The following ZNF786 variants were observed in gnomAD, a reference collection of about 807,000 sequenced individuals.
ZNF786 encodes the protein zinc finger protein 786.
A neutral mutation model predicts 63.1 loss-of-function variants in ZNF786; 56 were observed. The ratio of observed to expected loss-of-function variants is 0.89; its 90% CI spans 0.72 to 1.11. The LOEUF (loss-of-function observed/expected upper bound fraction) is 1.11. Ranked by LOEUF, ZNF786 falls within the 50% of genes least tolerant of loss-of-function variation. The probability of loss-of-function intolerance (pLI) is 0.00; values close to 1 mark genes in which losing one functional copy is unlikely to be tolerated. For synonymous variants in ZNF786, 485 were observed against 406.9 expected, an observed-to-expected ratio of 1.19 and a Z score of -2.31; for missense variants, 1,213 against 1,041.8, an observed-to-expected ratio of 1.16 and a Z score of -2.26.
In ZNF786 at chr7:149,073,747, G is replaced by GTGTA. The variant is rs1447329296; in HGVS notation, c.298+638_298+639insTACA. On this transcript the variant is annotated intron_variant, in intron 3 of 3. Transcript: ENST00000491431. ...TGCGTGTGTGTGTGTGTGTGTGTGT[G>GTGTA]TATATATATATATATATATATATAT... Among the ~76,000 whole-genome samples, 638 of 77,534 alleles carry GTGTA rather than the reference G, an allele frequency of 8.2e-3. 1 individual carries two copies. Among genetic ancestry groups the GTGTA allele is most frequent in the Non-Finnish European group, 0.011 (446 of 39,614 alleles). 50.9% of individuals were successfully genotyped at this position (77,534 alleles called of 152,430 possible).
chr7:149,088,473 A>G (rs979353100), intron 1 of ZNF786, among the ~76,000 whole-genome samples: 4 of 152,230 alleles, frequency 2.6e-5, no homozygotes, highest in African/African-American at 7.2e-5. Flanking sequence ...ACAATTTTGC[A>G]TAGCACTATG....
At position 149,072,446 on chromosome 7, in the gene ZNF786, T is replaced by C. The variant is rs754830611; in HGVS notation, c.326A>G (p.Lys109Arg). ...ATCTAATTGGAAATGGCTTTTAGTT[T>C]TTCCTGAATTCATAGCCTGCTGGCT... The part of the protein sequence containing the change: ...WGSQQAMNSG[K>R]TKSHFQLDPE... Residue 109 changes from lysine to arginine, a missense_variant, in exon 4 of 4, where the codon AAA becomes AGA. Coordinates refer to ENST00000491431, the MANE Select transcript of ZNF786 (RefSeq NM_152411.4). 3.8e-6 allele frequency: 6 copies of C among 1,598,328 alleles called. No individual in the cohort carries two copies. The highest frequency in any genetic ancestry group is 5.1e-6 in the Non-Finnish European group (6 of 1,173,628).
At chr7:149,074,098 CTATA>C (rs1230332829) in intron 3 of ZNF786, among the ~76,000 whole-genome samples, 1 of 151,760 alleles carries the variant, frequency 6.6e-6, no homozygotes, top group African/African-American at 2.4e-5. Flanking sequence ...TGGCCTAACA[CTATA>C]TATATTAACC....
chr7:149,072,196 G>A lies in ZNF786; in HGVS notation c.576C>T (p.Cys192=), dbSNP rs772306476. 1.1e-5 allele frequency: 17 copies of A among 1,613,098 alleles called. No individual in the cohort carries two copies. The highest frequency in any genetic ancestry group is 2.2e-5 in the East Asian group (1 of 44,884). Residue 192 remains cysteine, a synonymous_variant, in exon 4 of 4, where the codon TGC becomes TGT. Transcript: ENST00000491431. ...WESTQHPWPV[C]GESCWENNHL... is the part of the protein sequence containing the mutation. ...GGTTGTTCTCCCAACAGCTTTCCCCGCAGACAGGCCAAGGGTGCTGGGTGC... is the reference window on the plus strand; with the variant it reads ...GGTTGTTCTCCCAACAGCTTTCCCCACAGACAGGCCAAGGGTGCTGGGTGC...
At chr7:149,088,541 G>T (rs1040370235) in intron 1 of ZNF786, among the ~76,000 whole-genome samples, 3 of 152,154 alleles carry the variant, frequency 2.0e-5, no homozygotes, top group African/African-American at 7.2e-5. Context: ...TTATACTTGT[G>T]TTAAAGATAC....
At chr7:149,083,985 T>C (rs1285063532) in intron 1 of ZNF786, among the ~76,000 whole-genome samples, 2 of 152,332 alleles carry the variant, frequency 1.3e-5, no homozygotes, top group East Asian at 3.9e-4. Flanking sequence ...AGTGCTGCAA[T>C]GAACATATGC....
intron 3 of ZNF786, among the ~76,000 whole-genome samples, chr7:149,073,762 T>TAC (rs1825488404): frequency 1.9e-5 from 2 of 102,636 alleles, no homozygotes; most frequent in African/African-American, 6.8e-5. Context: ...TATATATATA[T>TAC]ATATATATAT....
intron 1 of ZNF786, among the ~76,000 whole-genome samples, chr7:149,090,391 C>T (rs1234296354): frequency 1.3e-5 from 2 of 152,316 alleles, no homozygotes; most frequent in South Asian, 2.1e-4. Flanking sequence ...AGGTCGGCCT[C>T]GGTCCACGCT....
At position 149,079,210 on chromosome 7, in the gene ZNF786, C is replaced by A. The variant is rs1825612877; in HGVS notation, c.145+1381G>T. Among the ~76,000 whole-genome samples, 6 of 152,216 alleles carry A rather than the reference C, an allele frequency of 3.9e-5. No homozygotes were observed. The South Asian group carries it at 1.2e-3, about 32-fold the overall frequency. On this transcript the variant is annotated intron_variant, in intron 2 of 3. Coordinates refer to ENST00000491431, the MANE Select transcript of ZNF786 (RefSeq NM_152411.4). ...GATCACGAGGTCAGGAAATCGAGAC[C>A]ATCCTGGCTAACACGGTGAAACCCT...
At chr7:149,078,067 C>T (rs577391780) in intron 2 of ZNF786, among the ~76,000 whole-genome samples, 11 of 151,314 alleles carry the variant, frequency 7.3e-5, no homozygotes, top group Middle Eastern at 3.4e-3. Flanking sequence ...TTCACCATGT[C>T]GGCCAGGCTG....
At chr7:149,079,504 A>G (rs1825617079) in intron 2 of ZNF786, among the ~76,000 whole-genome samples, 1 of 151,952 alleles carries the variant, frequency 6.6e-6, no homozygotes, top group African/African-American at 2.4e-5. Context: ...TAAATGAAAT[A>G]TAAAAACCAA....
intron 2 of ZNF786, among the ~76,000 whole-genome samples, chr7:149,077,210 C>A (rs1054246319): frequency 2.6e-5 from 4 of 152,194 alleles, no homozygotes; most frequent in African/African-American, 9.6e-5. Context: ...TCTTTAGGAT[C>A]AGCTTATCAA....
At chr7:149,083,501 C>T (rs1031289278) in intron 1 of ZNF786, among the ~76,000 whole-genome samples, 8 of 152,178 alleles carry the variant, frequency 5.3e-5, no homozygotes, top group African/African-American at 1.7e-4. Context: ...AGGCGTGATC[C>T]ACCGCGCCCG....
chr7:149,083,471 C>T (rs1233326905), intron 1 of ZNF786, among the ~76,000 whole-genome samples: 1 of 152,060 alleles, frequency 6.6e-6, no homozygotes, highest in Non-Finnish European at 1.5e-5. Context: ...CCCGCCTCGG[C>T]CTCCCAGTGC....
chr7:149,080,388 A>G (rs536413003), intron 2 of ZNF786, among the ~76,000 whole-genome samples: 1 of 152,192 alleles, frequency 6.6e-6, no homozygotes, highest in Non-Finnish European at 1.5e-5. Context: ...ACATTGTTCA[A>G]ATATTCTCAT....
At position 149,071,033 on chromosome 7, in the gene ZNF786, A is replaced by G; in HGVS notation, c.1739T>C (p.Leu580Pro). ...GCTGTGCACGCGCAAGTGCTCCGTG[A>G]GCTTGGATTGTCTGGTGAAGCCCTT... ...CGKGFTRQSK[L>P]TEHLRVHSGE... is the part of the protein sequence containing the mutation. The change falls in exon 4 of 4, where the codon CTC becomes CCC. Residue 580 changes from leucine (L) to proline (P), a missense_variant. Physicochemically the swap from Leu to Pro is moderately conservative, Grantham distance 98. Transcript: ENST00000491431. 4 of 1,612,620 alleles carry G rather than the reference A, an allele frequency of 2.5e-6. No individual in the cohort carries two copies. Among genetic ancestry groups the G allele is most frequent in the Non-Finnish European group, 3.4e-6 (4 of 1,179,820 alleles).
At position 149,071,322 on chromosome 7, in the gene ZNF786, G is replaced by T. The variant is rs1476788531; in HGVS notation, c.1450C>A (p.Pro484Thr). Residue 484 changes from proline to threonine, a missense_variant, in exon 4 of 4, where the codon CCA (proline) becomes ACA (threonine). Transcript: ENST00000491431. The stretch of plus-strand genomic sequence containing the variant: ...AGGCGGAAGCTCAGCCCACACTCTG[G>T]GCACTGAAAGGGCTTCTCGTCCGTG... ...LHTDEKPFQCPECGLSFRLES... is the reference protein window; with the variant it reads ...LHTDEKPFQCTECGLSFRLES... 1.9e-6 allele frequency: 3 copies of T among 1,612,854 alleles called. No individual in the cohort carries two copies. In the South Asian group the frequency reaches 3.3e-5, roughly 18 times the overall value.
At chr7:149,090,574 A>G in intron 1 of ZNF786, 49 bp downstream of exon 1, 1 of 1,535,542 alleles carries the variant, frequency 6.5e-7, no homozygotes, top group Non-Finnish European at 8.8e-7. Flanking sequence ...GAACCCGAGG[A>G]CCCACCACGA....
chr7:149,070,310 T>G lies in ZNF786; in HGVS notation c.*113A>C. ...TTCCTAACTTGCATGACACTCTTGC[T>G]CAAAGAAGGATACCTGCTCCTAAAA... On this transcript the variant is annotated 3_prime_UTR_variant, in exon 4 of 4. Transcript: ENST00000491431. The G allele has an allele frequency of 7.1e-7, 1 of 1,409,894 alleles. No homozygotes were observed. The highest frequency in any genetic ancestry group is 9.6e-7 in the Non-Finnish European group (1 of 1,039,856). 87.3% of individuals were successfully genotyped at this position (1,409,894 alleles called of 1,614,324 possible).
Sources: allele counts gnomAD v4.1 joint callset (sites outside exome capture counted in the v4.1 genomes callset), GRCh38; gene constraint gnomAD v4.1.1; transcripts MANE v1.5; gene names NCBI Gene and HGNC (gene_info 2026-07-23, HGNC 2026-07-21).